Variants in DUSP16 observed in about 807,000 individuals in gnomAD.
DUSP16 encodes dual specificity phosphatase 16, also known as dual specificity protein phosphatase 16.
Under a neutral mutation model 58.3 loss-of-function variants are expected in DUSP16, and 21 were observed. The observed-to-expected ratio is 0.36, with a 90% CI of 0.26 to 0.52. The LOEUF (loss-of-function observed/expected upper bound fraction) is 0.52, where lower values mean the gene tolerates loss of function less well. DUSP16 is among the 20% of genes least tolerant of loss of function. DUSP16 has a pLI of 0.94. For missense variants in DUSP16, 726 were observed against 819.0 expected (o/e 0.89, Z 1.39); for synonymous variants, 320 against 323.8 (o/e 0.99, Z 0.12).
In DUSP16 at chr12:12,500,553, A is replaced by C. The variant is rs1259155698; in HGVS notation, c.497T>G (p.Leu166Arg). Residue 166 changes from leucine to arginine, a missense_variant, in exon 4 of 7, where the codon CTT (leucine) becomes CGT (arginine). Transcript: ENST00000298573. Reference sequence around the variant, plus strand: ...GACATCTCGCTGGCAGCCAAGATAAAGATTGGGAAGAATTCGGGTTGGCCC... The same window carrying C: ...GACATCTCGCTGGCAGCCAAGATAACGATTGGGAAGAATTCGGGTTGGCCC... ...NIGPTRILPN[L>R]YLGCQRDVLN... is the part of the protein sequence containing the mutation. 1 of 1,611,768 alleles carries C rather than the reference A, an allele frequency of 6.2e-7. No individual in the cohort carries two copies. Among genetic ancestry groups the C allele is most frequent in the Non-Finnish European group, 8.5e-7 (1 of 1,179,120 alleles).
chr12:12,534,276 G>A (rs936114612), intron 1 of DUSP16, among the ~76,000 whole-genome samples: 2 of 152,166 alleles, frequency 1.3e-5, no homozygotes, highest in African/African-American at 2.4e-5. Context: ...GCATCTGTCC[G>A]CACACTTCCC....
chr12:12,541,937 T>A (rs1207235477), intron 1 of DUSP16, among the ~76,000 whole-genome samples: 2 of 152,290 alleles, frequency 1.3e-5, no homozygotes, highest in East Asian at 3.9e-4. Flanking sequence ...CAAAATGCAG[T>A]ATATCCCTAC....
intron 5 of DUSP16, among the ~76,000 whole-genome samples, chr12:12,482,321 G>A (rs1943585390): frequency 6.6e-6 from 1 of 152,142 alleles, no homozygotes; most frequent in Non-Finnish European, 1.5e-5. Context: ...AACAATGACA[G>A]TAACATGCGT....
Position 12,477,598 on chromosome 12 carries a change from G to T in DUSP16, c.1233C>A (p.Ala411=), listed in dbSNP as rs771041816. The change falls in exon 7 of 7, where the codon GCC becomes GCA. Residue 411 remains alanine (A), a synonymous_variant. Transcript: ENST00000298573. The surrounding 1 kb of genome is among the most constrained non-coding windows in gnomAD (Gnocchi z 4.1). Reference sequence around the variant, plus strand: ...AGCCATGTAAGGATGCTGCCATGCTGGCTGAATATGAAACTGATTTGATAT... The same window carrying T: ...AGCCATGTAAGGATGCTGCCATGCTTGCTGAATATGAAACTGATTTGATAT... ...SLDIKSVSYS[A]SMAASLHGFS... The T allele has an allele frequency of 6.2e-7, 1 of 1,614,214 alleles. No individual in the cohort carries two copies. Among genetic ancestry groups the T allele is most frequent in the Admixed American group, 1.7e-5 (1 of 60,022 alleles).
chr12:12,476,741 T>C lies in DUSP16; in HGVS notation c.*92A>G. The C allele has an allele frequency of 8.2e-7, 1 of 1,222,626 alleles. No individual in the cohort carries two copies. Among genetic ancestry groups the C allele is most frequent in the South Asian group, 1.5e-5 (1 of 66,454 alleles). 75.7% of individuals were successfully genotyped at this position (1,222,626 alleles called of 1,614,324 possible). A position where few individuals can be genotyped will look rare whatever the true frequency, so the allele number is the denominator to read the frequency against. On this transcript the variant is annotated 3_prime_UTR_variant, in exon 7 of 7. Transcript: ENST00000298573. ...TAGCTCCATTTTCCAAAAATATATATGTATGTACATATATATATTTCAGAT... is the reference window on the plus strand; with the variant it reads ...TAGCTCCATTTTCCAAAAATATATACGTATGTACATATATATATTTCAGAT...
In DUSP16 at chr12:12,477,759, C is replaced by T. The variant is rs772280915; in HGVS notation, c.1072G>A (p.Ala358Thr). ...ACGCTGGGCACGCTGGGCACGCTGG[C>T]GGGATGCACGGGCCTTTGTCCTGCT... Reference protein sequence around the residue: ...EAAGQRPVHPASVPSVPSVQP... With the variant: ...EAAGQRPVHPTSVPSVPSVQP... The change falls in exon 7 of 7, where the codon GCC (alanine) becomes ACC (threonine). Residue 358 changes from alanine (A) to threonine (T), a missense_variant. Coordinates refer to ENST00000298573, the MANE Select transcript of DUSP16 (RefSeq NM_030640.3). This position sits in a 1 kb window ranked among gnomAD's most constrained non-coding sequence, Gnocchi z 4.1. 5.6e-6 allele frequency: 9 copies of T among 1,612,596 alleles called. No individual in the cohort carries two copies. Among genetic ancestry groups the T allele is most frequent in the South Asian group, 5.5e-5 (5 of 91,042 alleles).
At chr12:12,489,611 A>G (rs1288177068) in intron 4 of DUSP16, among the ~76,000 whole-genome samples, 2 of 152,270 alleles carry the variant, frequency 1.3e-5, no homozygotes, top group Non-Finnish European at 2.9e-5. Flanking sequence ...AAGAAATTAC[A>G]GAAGTTTCTG....
chr12:12,535,364 A>G (rs1436323878), intron 1 of DUSP16, among the ~76,000 whole-genome samples: 1 of 152,248 alleles, frequency 6.6e-6, no homozygotes, highest in Non-Finnish European at 1.5e-5. Context: ...TTTTTTTACA[A>G]AACATCTGCT....
At chr12:12,526,481 A>T (rs1944309912) in intron 1 of DUSP16, among the ~76,000 whole-genome samples, 1 of 152,220 alleles carries the variant, frequency 6.6e-6, no homozygotes, top group Non-Finnish European at 1.5e-5. Context: ...TAAGAACTGT[A>T]AGTCTATTTT....
chr12:12,520,828 G>T lies in DUSP16; in HGVS notation c.228+43C>A, dbSNP rs372032722. ...TTCAATTAAAATTATTCCTCATTCA[G>T]TGTGTCCATTTATTTTGAAAAGGCA... On this transcript the variant is annotated intron_variant, in intron 2 of 6. Coordinates refer to ENST00000298573, the MANE Select transcript of DUSP16 (RefSeq NM_030640.3). The T allele has an allele frequency of 2.5e-6, 4 of 1,599,820 alleles. No individual in the cohort carries two copies. In the East Asian group the frequency reaches 6.7e-5, roughly 27 times the overall value.
intron 1 of DUSP16, among the ~76,000 whole-genome samples, chr12:12,537,159 T>C (rs575688470): frequency 6.6e-6 from 1 of 152,326 alleles, no homozygotes; most frequent in African/African-American, 2.4e-5. Flanking sequence ...TCCTATTTTA[T>C]AGATAACTTT....
chr12:12,480,373 CACT>C (rs769384819), intron 5 of DUSP16, 27 bp from the exon 6 acceptor site: 13 of 1,608,350 alleles, frequency 8.1e-6, no homozygotes, highest in Middle Eastern at 3.3e-4. Context: ...CAAGAAAGGT[CACT>C]ACTAACTATT....
At chr12:12,537,889 A>C (rs1944492353) in intron 1 of DUSP16, among the ~76,000 whole-genome samples, 1 of 152,108 alleles carries the variant, frequency 6.6e-6, no homozygotes, top group Admixed American at 6.6e-5. Flanking sequence ...ATAAAACTCC[A>C]GGAAAAAAAT....
intron 3 of DUSP16, among the ~76,000 whole-genome samples, chr12:12,513,677 C>G (rs1039059163): frequency 6.6e-6 from 1 of 152,090 alleles, no homozygotes; most frequent in Non-Finnish European, 1.5e-5. Flanking sequence ...AATTAATAAG[C>G]CTGGCAGAGC....
chr12:12,538,340 G>C (rs1256707355), intron 1 of DUSP16, among the ~76,000 whole-genome samples: 1 of 152,174 alleles, frequency 6.6e-6, no homozygotes, highest in Non-Finnish European at 1.5e-5. Context: ...GTCATGTCAC[G>C]TCATTAAAGA....
intron 5 of DUSP16, among the ~76,000 whole-genome samples, chr12:12,484,101 T>G (rs1168907438): frequency 6.6e-6 from 1 of 151,962 alleles, no homozygotes; most frequent in Non-Finnish European, 1.5e-5. Flanking sequence ...TCTTGTGTCT[T>G]TCTTCTGCTT....
chr12:12,478,135 T>C (rs890832488), intron 6 of DUSP16, 120 bp from the exon 7 acceptor site: 19 of 949,700 alleles, frequency 2.0e-5, no homozygotes, highest in Middle Eastern at 3.3e-4. Context: ...TGGAAGATGA[T>C]TGGTTTACAA....
rs73293605 is a variant in DUSP16, at chr12:12,519,794, A to G, written c.367+68T>C. 5.3e-4 allele frequency: 813 copies of G among 1,533,010 alleles called. 3 individuals are homozygous for G. The African/African-American group carries it at 9.8e-3, about 18-fold the overall frequency. 95.0% of individuals were successfully genotyped at this position (1,533,010 alleles called of 1,614,324 possible). ...GGATGATCTATTGTACTGAGTTCACAGTGAAATATGCTTACTCATACAGCT... is the reference window on the plus strand; with the variant it reads ...GGATGATCTATTGTACTGAGTTCACGGTGAAATATGCTTACTCATACAGCT... On this transcript the variant is annotated intron_variant, in intron 3 of 6. Transcript: ENST00000298573.
At chr12:12,532,508 A>T (rs895148964) in intron 1 of DUSP16, among the ~76,000 whole-genome samples, 4 of 152,214 alleles carry the variant, frequency 2.6e-5, no homozygotes, top group Non-Finnish European at 5.9e-5. Flanking sequence ...ATTAAACGTA[A>T]TTGTCATACT....
Sources: allele counts gnomAD v4.1 joint callset (sites outside exome capture counted in the v4.1 genomes callset), GRCh38; gene constraint gnomAD v4.1.1; non-coding constraint Gnocchi (gnomAD v3.1); transcripts MANE v1.5; gene names NCBI Gene and HGNC (gene_info 2026-07-23, HGNC 2026-07-21).